Variants in UHRF2 observed in about 807,000 individuals in gnomAD.
UHRF2 encodes E3 ubiquitin-protein ligase UHRF2.
A neutral mutation model predicts 96.8 loss-of-function variants in UHRF2; 23 were observed. That is an observed-to-expected ratio of 0.24 (90% CI 0.17 to 0.34). The LOEUF (loss-of-function observed/expected upper bound fraction) is 0.34. UHRF2 is among the 10% of genes least tolerant of loss of function. The pLI is 1.00. For synonymous variants in UHRF2, 385 were observed against 332.6 expected, an observed-to-expected ratio of 1.16 and a Z score of -1.72; for missense variants, 685 against 981.5, an observed-to-expected ratio of 0.70 and a Z score of 4.04.
chr9:6,492,478 T>G, intron 9 of UHRF2: 1 of 526,870 alleles, frequency 1.9e-6, no homozygotes, highest in Non-Finnish European at 2.5e-6. Flanking sequence ...TTAAAAAATA[T>G]GTAGACCTTA....
intron 6 of UHRF2, among the ~76,000 whole-genome samples, chr9:6,479,028 G>T (rs1473628012): frequency 6.6e-6 from 1 of 151,900 alleles, no homozygotes; most frequent in Non-Finnish European, 1.5e-5. Flanking sequence ...CACTTCTTCA[G>T]TTAATTCCTC....
chr9:6,474,460 C>G (rs1823439544), intron 4 of UHRF2, among the ~76,000 whole-genome samples: 1 of 152,152 alleles, frequency 6.6e-6, no homozygotes, highest in African/African-American at 2.4e-5. Context: ...AATCCTAGCA[C>G]TTTGGGAGGC....
chr9:6,418,004 CTAGT>C (rs1819711483), intron 1 of UHRF2, among the ~76,000 whole-genome samples: 5 of 152,162 alleles, frequency 3.3e-5, no homozygotes, highest in Admixed American at 3.3e-4. Flanking sequence ...AAATATGCTA[CTAGT>C]TAATTTGCAT....
chr9:6,476,888 C>T (rs371470125), intron 5 of UHRF2, among the ~76,000 whole-genome samples: 30 of 152,234 alleles, frequency 2.0e-4, no homozygotes, highest in African/African-American at 6.0e-4. Flanking sequence ...CCACCACGCC[C>T]GGCCTCAGGC....
chr9:6,478,473 G>T (rs1185028688), intron 6 of UHRF2, among the ~76,000 whole-genome samples: 1 of 152,176 alleles, frequency 6.6e-6, no homozygotes, highest in Non-Finnish European at 1.5e-5. Context: ...TTAATCCTGT[G>T]ACGTTGATAC....
At position 6,476,492 on chromosome 9, in the gene UHRF2, C is replaced by A. The variant is rs188791988; in HGVS notation, c.973+992C>A. On this transcript the variant is annotated intron_variant, in intron 5 of 15. Coordinates refer to ENST00000276893, the MANE Select transcript of UHRF2 (RefSeq NM_152896.3). Reference sequence around the variant, plus strand: ...ATTTGAAGGTTAGAATGCAGCTGTACCTCTTCATTTAACGGATTTTTCTTA... The same window carrying A: ...ATTTGAAGGTTAGAATGCAGCTGTAACTCTTCATTTAACGGATTTTTCTTA... Among the ~76,000 whole-genome samples the A allele has an allele frequency of 1.3e-3, 198 of 152,130 alleles. 3 individuals are homozygous for A. Among genetic ancestry groups the A allele is most frequent in the Non-Finnish European group, 3.1e-4 (21 of 68,000 alleles).
intron 4 of UHRF2, among the ~76,000 whole-genome samples, chr9:6,472,894 A>G (rs954527815): frequency 6.6e-6 from 1 of 152,216 alleles, no homozygotes; most frequent in Non-Finnish European, 1.5e-5. Flanking sequence ...TAATTTTTTT[A>G]AAAAGTAAAT....
At position 6,484,077 on chromosome 9, in the gene UHRF2, T is replaced by C. The variant is rs190446627; in HGVS notation, c.1392+1978T>C. Among the ~76,000 whole-genome samples the C allele has an allele frequency of 5.4e-4, 82 of 150,634 alleles. 1 individual carries two copies. The highest frequency in any genetic ancestry group is 2.3e-3 in the South Asian group (11 of 4,756). On this transcript the variant is annotated intron_variant, in intron 8 of 15. Transcript: ENST00000276893. ...TACCTTCTTATTTCTTTCTTTCTTT[T>C]TTTTTTTTTTTAAGAGACAGGGTCT...
At chr9:6,468,843 C>CT (rs1823040909) in intron 4 of UHRF2, 4 of 367,480 alleles carry the variant, frequency 1.1e-5, no homozygotes, top group Non-Finnish European at 1.1e-5. Flanking sequence ...CTAAATCTTA[C>CT]TTAAAGACTG....
At chr9:6,452,516 A>G (rs933062118) in intron 3 of UHRF2, among the ~76,000 whole-genome samples, 8 of 152,244 alleles carry the variant, frequency 5.3e-5, no homozygotes, top group Non-Finnish European at 1.0e-4. Flanking sequence ...TGGCAGAAAT[A>G]TGATATGGAT....
At position 6,413,303 on chromosome 9, in the gene UHRF2, C is replaced by G. The variant is rs893855478; in HGVS notation, c.-188C>G. ...TTCCGGTCGTCTCTCCTCAAGTCGG[C>G]TAGTCGGGCGCGCGCGCTGAGAGTC... On this transcript the variant is annotated 5_prime_UTR_variant, in exon 1 of 16. Coordinates refer to ENST00000276893, the MANE Select transcript of UHRF2 (RefSeq NM_152896.3). 2 of 341,730 alleles carry G rather than the reference C, an allele frequency of 5.9e-6. No homozygotes were observed. Among genetic ancestry groups the G allele is most frequent in the Non-Finnish European group, 4.6e-6 (1 of 218,480 alleles). The allele number at this position is 341,730 out of a possible 1,614,324, so 21.2% of individuals were successfully genotyped here.
intron 12 of UHRF2, chr9:6,499,315 A>G (rs1825141283): frequency 6.6e-6 from 1 of 151,572 alleles, no homozygotes; most frequent in South Asian, 2.1e-4. Flanking sequence ...ATTACTTCAA[A>G]TCTAACTCTT....
Position 6,497,094 on chromosome 9 carries a change from T to G in UHRF2, c.1605-104T>G, listed in dbSNP as rs555323057. On this transcript the variant is annotated intron_variant, in intron 10 of 15. Transcript: ENST00000276893. ...TAATATGGAAAGAATCATAGAATCT[T>G]AACCATCAGGTAAGGTATAATTCAC... 1.5e-5 allele frequency: 15 copies of G among 979,456 alleles called. No homozygotes were observed. The South Asian group carries it at 2.7e-4, about 18-fold the overall frequency. The allele number at this position is 979,456 out of a possible 1,614,324, so 60.7% of individuals were successfully genotyped here.
intron 4 of UHRF2, among the ~76,000 whole-genome samples, chr9:6,474,829 T>G (rs1487577866): frequency 6.6e-6 from 1 of 152,220 alleles, no homozygotes; most frequent in Admixed American, 6.5e-5. Context: ...TGGTGTAGTA[T>G]TTGAAAGACT....
chr9:6,480,315 G>A (rs752250723), intron 6 of UHRF2, among the ~76,000 whole-genome samples: 12 of 152,142 alleles, frequency 7.9e-5, no homozygotes, highest in South Asian at 4.1e-4. Flanking sequence ...AATTCTTTCC[G>A]TATATGTTCT....
chr9:6,461,676 A>G (rs1308460039), intron 4 of UHRF2, among the ~76,000 whole-genome samples: 2 of 151,878 alleles, frequency 1.3e-5, no homozygotes, highest in African/African-American at 2.4e-5. Context: ...CCAGCTTTCT[A>G]TCATTAATTT....
chr9:6,427,325 C>T (rs977803472), intron 2 of UHRF2, among the ~76,000 whole-genome samples: 2 of 152,046 alleles, frequency 1.3e-5, no homozygotes, highest in East Asian at 3.9e-4. Flanking sequence ...TAAGCAGGTA[C>T]AAAAGATGAA....
chr9:6,413,508 C>T lies in UHRF2; in HGVS notation c.18C>T (p.Arg6=). The change falls in exon 1 of 16, where the codon CGC becomes CGT. Residue 6 remains arginine, a synonymous_variant. Coordinates refer to ENST00000276893, the MANE Select transcript of UHRF2 (RefSeq NM_152896.3). ...GCGCCAAGATGTGGATACAGGTTCG[C>T]ACCATTGATGGCTCCAAGACGTGCA... MWIQV[R]TIDGSKTCTI... is the part of the protein sequence containing the mutation. 9 of 1,580,794 alleles carry T rather than the reference C, an allele frequency of 5.7e-6. No individual in the cohort carries two copies. Among genetic ancestry groups the T allele is most frequent in the South Asian group, 1.1e-5 (1 of 87,764 alleles).
chr9:6,487,605 G>A (rs1034427429), intron 9 of UHRF2, among the ~76,000 whole-genome samples: 2 of 152,210 alleles, frequency 1.3e-5, no homozygotes, highest in Non-Finnish European at 2.9e-5. Context: ...GACCTCAGGT[G>A]ATCCTCCCGC....
Sources: gnomAD v4.1 joint callset for allele counts (sites outside exome capture counted in the v4.1 genomes callset) on GRCh38, gnomAD v4.1.1 for gene constraint, MANE v1.5 for transcripts, NCBI Gene and HGNC (gene_info 2026-07-23, HGNC 2026-07-21) for gene names.